SCAP: variants seen among roughly 807,000 people sequenced by gnomAD.
SCAP encodes the protein sterol regulatory element-binding protein cleavage-activating protein.
Under a neutral mutation model 123.6 loss-of-function variants are expected in SCAP, and 65 were observed. The observed-to-expected ratio is 0.53, with a 90% CI of 0.43 to 0.65. The LOEUF (loss-of-function observed/expected upper bound fraction) is 0.65, where lower values mean the gene tolerates loss of function less well. Among genes scored for constraint, SCAP ranks in the 30% least tolerant of loss-of-function variants. The pLI, the probability that SCAP is intolerant of heterozygous loss-of-function variation, is 0.00. For synonymous variants in SCAP, 740 were observed against 726.3 expected, an observed-to-expected ratio of 1.02 and a Z score of -0.30; for missense variants, 1,398 against 1,712.5, an observed-to-expected ratio of 0.82 and a Z score of 3.24.
intron 16 of SCAP, 86 bp from the exon 17 acceptor site, chr3:47,417,912 A>AGAC: frequency 6.6e-6 from 2 of 303,186 alleles, no homozygotes; most frequent in Non-Finnish European, 6.0e-6. Flanking sequence ...GGGGCGTGGG[A>AGAC]GTGAGAAGGG....
Position 47,464,258 on chromosome 3 carries a change from C to T in SCAP, c.-99+11541G>A, listed in dbSNP as rs184981755. Reference sequence around the variant, plus strand: ...CTTGAACTCCTGATCTCAGGTGATCCGCCTGCCTCGGCCTCTCAAAGTGCT... The same window carrying T: ...CTTGAACTCCTGATCTCAGGTGATCTGCCTGCCTCGGCCTCTCAAAGTGCT... On this transcript the variant is annotated intron_variant, in intron 1 of 22. Coordinates refer to ENST00000265565, the MANE Select transcript of SCAP (RefSeq NM_012235.4). 4.1e-3 allele frequency among the ~76,000 whole-genome samples: 624 copies of T among 152,184 alleles called. 5 individuals carry two copies. Among genetic ancestry groups the T allele is most frequent in the Middle Eastern group, 0.031 (9 of 294 alleles).
intron 2 of SCAP, among the ~76,000 whole-genome samples, chr3:47,437,025 T>C (rs1260161816): frequency 6.6e-6 from 1 of 152,278 alleles, no homozygotes; most frequent in African/African-American, 2.4e-5. Flanking sequence ...TTCTCCACAC[T>C]GGCGCACATA....
chr3:47,440,725 T>C (rs1349466800), intron 2 of SCAP, among the ~76,000 whole-genome samples: 2 of 151,902 alleles, frequency 1.3e-5, no homozygotes, highest in Non-Finnish European at 2.9e-5. Flanking sequence ...AAAAAATTAG[T>C]GGTGCACGCC....
chr3:47,418,138 G>A lies in SCAP; in HGVS notation c.2443C>T (p.Pro815Ser). 6.4e-7 allele frequency: 1 copy of A among 1,556,790 alleles called. No homozygotes were observed. The highest frequency in any genetic ancestry group is 8.7e-7 in the Non-Finnish European group (1 of 1,151,136). ...GGAAAGGGCAGCCGCACCTACCCTG[G>A]GCGCGGAATGCGCGTTAGGCAATCC... Reference protein sequence around the residue: ...TGDCLTRIPRPGRQRRDSGVG... With the variant: ...TGDCLTRIPRSGRQRRDSGVG... Residue 815 changes from proline to serine, a missense_variant, in exon 16 of 23, where the codon CCA becomes TCA. By Grantham distance (74) the Pro-to-Ser change is moderately conservative. Coordinates refer to ENST00000265565, the MANE Select transcript of SCAP (RefSeq NM_012235.4).
intron 1 of SCAP, among the ~76,000 whole-genome samples, chr3:47,470,690 C>T (rs1037852490): frequency 6.6e-6 from 1 of 152,112 alleles, no homozygotes; most frequent in Admixed American, 6.6e-5. Context: ...TGGTGAAATC[C>T]CATCTACTAA....
intron 1 of SCAP, among the ~76,000 whole-genome samples, chr3:47,458,322 A>G (rs1268344760): frequency 2.0e-5 from 3 of 152,002 alleles, no homozygotes; most frequent in Non-Finnish European, 4.4e-5. Flanking sequence ...CCAGCTACTC[A>G]GGAGGCTGAG....
chr3:47,440,876 G>C (rs1428162900), intron 2 of SCAP, among the ~76,000 whole-genome samples: 1 of 151,930 alleles, frequency 6.6e-6, no homozygotes, highest in African/African-American at 2.4e-5. Flanking sequence ...AGAAAAAAAA[G>C]AATGGGATAA....
chr3:47,461,067 G>A (rs1707621705), intron 1 of SCAP, among the ~76,000 whole-genome samples: 1 of 152,044 alleles, frequency 6.6e-6, no homozygotes, highest in Non-Finnish European at 1.5e-5. Context: ...TCCCAGGAGA[G>A]CCTCCCCTCT....
At chr3:47,457,699 A>G (rs1032705024) in intron 1 of SCAP, among the ~76,000 whole-genome samples, 5 of 150,926 alleles carry the variant, frequency 3.3e-5, no homozygotes, top group Non-Finnish European at 5.9e-5. Flanking sequence ...CGAGGTCAGG[A>G]GATCGAGACC....
chr3:47,429,513 A>G (rs1706276390), intron 3 of SCAP, among the ~76,000 whole-genome samples: 1 of 152,186 alleles, frequency 6.6e-6, no homozygotes, highest in Non-Finnish European at 1.5e-5. Flanking sequence ...CACCACGCCT[A>G]ATTTTCAAAA....
chr3:47,459,565 G>C (rs961353060), intron 1 of SCAP, among the ~76,000 whole-genome samples: 1 of 152,092 alleles, frequency 6.6e-6, no homozygotes, highest in South Asian at 2.1e-4. Flanking sequence ...GTAGGACCGT[G>C]ATACCCACCC....
At chr3:47,417,264 G>A (rs1705625859) in intron 17 of SCAP, 40 bp downstream of exon 17, 1 of 1,612,016 alleles carries the variant, frequency 6.2e-7, no homozygotes, top group South Asian at 1.1e-5. Context: ...AATCCCCGGG[G>A]CGGACAGCCG....
intron 18 of SCAP, among the ~76,000 whole-genome samples, chr3:47,415,800 C>T (rs1020848387): frequency 6.6e-6 from 1 of 152,194 alleles, no homozygotes; most frequent in African/African-American, 2.4e-5. Context: ...CCTACAACCT[C>T]TGCCCATGAA....
chr3:47,460,178 A>C (rs1192956860), intron 1 of SCAP, among the ~76,000 whole-genome samples: 3 of 152,190 alleles, frequency 2.0e-5, no homozygotes, highest in Non-Finnish European at 4.4e-5. Flanking sequence ...CACTGATTTC[A>C]TATTGTTCAA....
In SCAP at chr3:47,415,002, A is replaced by C. The variant is rs752127151; in HGVS notation, c.3140-9T>G. 1.3e-6 allele frequency: 2 copies of C among 1,582,616 alleles called. No individual in the cohort carries two copies. The highest frequency in any genetic ancestry group is 4.5e-5 in the East Asian group (2 of 44,586). Reference sequence around the variant, plus strand: ...GCCCCGCCCTGGGGTCCCTGAGGACAAAAGGCCAAGTGAAGAATCTCTGAG... The same window carrying C: ...GCCCCGCCCTGGGGTCCCTGAGGACCAAAGGCCAAGTGAAGAATCTCTGAG... On this transcript the variant is annotated splice_polypyrimidine_tract_variant and intron_variant, in intron 19 of 22. Transcript: ENST00000265565.
chr3:47,415,943 G>A (rs1358863861), intron 18 of SCAP, among the ~76,000 whole-genome samples: 2 of 152,194 alleles, frequency 1.3e-5, no homozygotes, highest in Non-Finnish European at 2.9e-5. Context: ...GCTAAAACAA[G>A]CAGCAAAGGA....
In SCAP at chr3:47,473,906, A is replaced by C. The variant is rs898846065; in HGVS notation, c.-99+1893T>G. ...GGGAACGGGGGAAGGGCCCCAAACC[A>C]GTGATTATAAAGTCCACGGAGATCT... On this transcript the variant is annotated intron_variant, in intron 1 of 22. Coordinates refer to ENST00000265565, the MANE Select transcript of SCAP (RefSeq NM_012235.4). Among the ~76,000 whole-genome samples, 4 of 152,170 alleles carry C rather than the reference A, an allele frequency of 2.6e-5. No homozygotes were observed. In the South Asian group the frequency reaches 8.3e-4, roughly 31 times the overall value.
intron 6 of SCAP, 47 bp downstream of exon 6, chr3:47,427,108 CAT>C: frequency 3.7e-6 from 5 of 1,362,392 alleles, no homozygotes; most frequent in Non-Finnish European, 5.3e-6. Context: ...CTCAAAGCCT[CAT>C]GTCACCCAGC....
rs1030584043 is a variant in SCAP at position 47,475,857 on chromosome 3, GC to G, written c.-158del. 1 of 161,086 alleles carries G rather than the reference GC, an allele frequency of 6.2e-6. No individual in the cohort carries two copies. Among genetic ancestry groups the G allele is most frequent in the African/African-American group, 2.4e-5 (1 of 41,504 alleles). 10.0% of individuals were successfully genotyped at this position (161,086 alleles called of 1,614,324 possible). On this transcript the variant is annotated 5_prime_UTR_variant, in exon 1 of 23. Transcript: ENST00000265565. Reference sequence around the variant, plus strand: ...GGCGGCGGCGGCGACGGGGGCGGCAGCAGGGGCGGAGCGCGGCGTGCGCGCT... The same window carrying G: ...GGCGGCGGCGGCGACGGGGGCGGCAGAGGGGCGGAGCGCGGCGTGCGCGCT...
Sources: gnomAD v4.1 joint callset for allele counts (sites outside exome capture counted in the v4.1 genomes callset) on GRCh38, gnomAD v4.1.1 for gene constraint, MANE v1.5 for transcripts, NCBI Gene and HGNC (gene_info 2026-07-23, HGNC 2026-07-21) for gene names.